Variants in ANO5 observed in about 807,000 individuals in gnomAD.
The protein encoded by ANO5 is anoctamin-5.
A neutral mutation model predicts 121.0 loss-of-function variants in ANO5; 109 were observed. The observed-to-expected ratio is 0.90, with a 90% confidence interval of 0.77 to 1.06. ANO5 has a LOEUF of 1.06. Among genes scored for constraint, ANO5 ranks in the 50% least tolerant of loss-of-function variants. The probability of loss-of-function intolerance (pLI) is 0.00; values close to 1 mark genes in which losing one functional copy is unlikely to be tolerated. For synonymous variants in ANO5, 406 were observed against 359.9 expected, an observed-to-expected ratio of 1.13 and a Z score of -1.45; for missense variants, 1,064 against 1,078.5, an observed-to-expected ratio of 0.99 and a Z score of 0.19.
At chr11:22,228,819 A>C (rs1852935575) in intron 7 of ANO5, among the ~76,000 whole-genome samples, 1 of 151,820 alleles carries the variant, frequency 6.6e-6, no homozygotes, top group Non-Finnish European at 1.5e-5. Flanking sequence ...TTTTATGGCT[A>C]TATCTAGCCA....
rs1181983240 is a variant in ANO5, at chr11:22,228,324, GTTGTATGTTACCTTTTATAGC to G, written c.648+742_648+762del. Among the ~76,000 whole-genome samples, 16 of 151,594 alleles carry G rather than the reference GTTGTATGTTACCTTTTATAGC, an allele frequency of 1.1e-4. 1 individual carries two copies. The highest frequency in any genetic ancestry group is 3.9e-4 in the African/African-American group (16 of 41,046). The stretch of plus-strand genomic sequence containing the variant: ...TGGCTTTCAGAGGGAAAAAAATAAG[GTTGTATGTTACCTTTTATAGC>G]TTGCTTATTTTAAAAAATTTATGAT... On this transcript the variant is annotated intron_variant, in intron 7 of 21. Transcript: ENST00000324559.
At chr11:22,203,755 C>T in intron 1 of ANO5, 49 bp from the exon 2 acceptor site, 1 of 1,173,210 alleles carries the variant, frequency 8.5e-7, no homozygotes, top group Non-Finnish European at 1.3e-6. Context: ...TGAATATGTT[C>T]TGATCAGTGG....
At chr11:22,205,786 C>T (rs1852101058) in intron 2 of ANO5, among the ~76,000 whole-genome samples, 1 of 151,944 alleles carries the variant, frequency 6.6e-6, no homozygotes. Context: ...CAGGACATAT[C>T]AATATGGAAT....
At chr11:22,278,576 G>C (rs1326628431) in intron 21 of ANO5, among the ~76,000 whole-genome samples, 4 of 142,920 alleles carry the variant, frequency 2.8e-5, no homozygotes, top group Non-Finnish European at 6.1e-5. Flanking sequence ...CTACATATTT[G>C]GTGGTTCTGC....
In ANO5 at chr11:22,236,277, GTA is replaced by G. The variant is rs1853217204; in HGVS notation, c.762+3_762+4del. 1.3e-6 allele frequency: 2 copies of G among 1,597,800 alleles called. No individual in the cohort carries two copies. On this transcript the variant is annotated splice_donor_variant and splice_donor_region_variant and intron_variant, in intron 8 of 21. Transcript: ENST00000324559. LOFTEE classifies it high-confidence loss of function. Reference sequence around the variant, plus strand: ...CTCATCTGCCTATCCACTCCATGATGTATGTATAGGTTTGATTGTGAAAATCT... The same window carrying G: ...CTCATCTGCCTATCCACTCCATGATGTGTATAGGTTTGATTGTGAAAATCT...
At chr11:22,273,661 T>TAGAA (rs140869287) in intron 19 of ANO5, among the ~76,000 whole-genome samples, 2,513 of 152,090 alleles carry the variant, frequency 0.017, 66 homozygotes, top group African/African-American at 0.057. Flanking sequence ...ATCAAATTGA[T>TAGAA]AGTAGTAAAA....
intron 9 of ANO5, among the ~76,000 whole-genome samples, chr11:22,249,987 T>C (rs116939373): frequency 2.0e-5 from 3 of 152,298 alleles, no homozygotes; most frequent in Non-Finnish European, 2.9e-5. Flanking sequence ...TAATTGGCTT[T>C]CTACTTATAT....
At chr11:22,228,023 CT>C (rs969965033) in intron 7 of ANO5, among the ~76,000 whole-genome samples, 7 of 151,886 alleles carry the variant, frequency 4.6e-5, no homozygotes, top group African/African-American at 7.3e-5. Flanking sequence ...AACCTCAAAA[CT>C]TTTTTTTCCC....
intron 17 of ANO5, among the ~76,000 whole-genome samples, chr11:22,267,493 T>C (rs922226313): frequency 4.1e-5 from 6 of 146,154 alleles, no homozygotes; most frequent in Admixed American, 6.7e-5. Flanking sequence ...CTACATACCA[T>C]ATAAATATCT....
intron 21 of ANO5, among the ~76,000 whole-genome samples, chr11:22,278,523 T>C (rs1257679939): frequency 1.4e-5 from 2 of 146,660 alleles, no homozygotes; most frequent in African/African-American, 5.5e-5. Context: ...TATATCTGGT[T>C]CTTTTCCTTT....
rs140440151 is a variant in ANO5 at position 22,196,863 on chromosome 11, G to A, written c.40+3331G>A. On this transcript the variant is annotated intron_variant, in intron 1 of 21. Transcript: ENST00000324559. ...TAGCCTGGTGACAGAGTGAGACTCC[G>A]TCTCAAATAAATAAATAAATAAAAT... Among the ~76,000 whole-genome samples the A allele has an allele frequency of 2.3e-3, 352 of 151,020 alleles. 1 individual carries two copies. Among genetic ancestry groups the A allele is most frequent in the Non-Finnish European group, 3.7e-3 (253 of 67,814 alleles).
At chr11:22,247,177 G>A (rs1319758828) in intron 9 of ANO5, among the ~76,000 whole-genome samples, 3 of 152,096 alleles carry the variant, frequency 2.0e-5, no homozygotes, top group African/African-American at 7.2e-5. Context: ...CAGTATAGTA[G>A]GGAAAGAAGT....
rs1855091854 is a variant in ANO5 at position 22,281,820 on chromosome 11, A to G, written c.*2055A>G. The stretch of plus-strand genomic sequence containing the variant: ...CCAACTAAATTATTGGGTTTCTGGA[A>G]GTGAATGGAGAAAACAGCAAGGGAA... On this transcript the variant is annotated 3_prime_UTR_variant, in exon 22 of 22. Coordinates refer to ENST00000324559, the MANE Select transcript of ANO5 (RefSeq NM_213599.3). The G allele has an allele frequency of 6.6e-6, 1 of 152,114 alleles. No individual in the cohort carries two copies. The highest frequency in any genetic ancestry group is 2.4e-5 in the African/African-American group (1 of 41,448). The allele number at this position is 152,114 out of a possible 1,614,324, so 9.4% of individuals were successfully genotyped here.
intron 4 of ANO5, among the ~76,000 whole-genome samples, chr11:22,220,308 A>C (rs1852598339): frequency 2.0e-5 from 3 of 152,064 alleles, no homozygotes; most frequent in South Asian, 4.1e-4. Flanking sequence ...AGGAATATTA[A>C]GTATTAGATA....
Position 22,281,515 on chromosome 11 carries a change from T to C in ANO5, c.*1750T>C. Reference sequence around the variant, plus strand: ...TCATATGTAGAGAAGATAATATTTCTTTCTTGAAAAAACAAGTCAGGCTTA... The same window carrying C: ...TCATATGTAGAGAAGATAATATTTCCTTCTTGAAAAAACAAGTCAGGCTTA... On this transcript the variant is annotated 3_prime_UTR_variant, in exon 22 of 22. Transcript: ENST00000324559. The C allele has an allele frequency of 9.9e-6, 1 of 101,192 alleles. No individual in the cohort carries two copies. The highest frequency in any genetic ancestry group is 9.8e-5 in the Admixed American group (1 of 10,156). 6.3% of individuals were successfully genotyped at this position (101,192 alleles called of 1,614,324 possible). A position where few individuals can be genotyped will look rare whatever the true frequency, so the allele number is the denominator to read the frequency against.
At chr11:22,218,117 A>G (rs61880871) in intron 3 of ANO5, 129 bp from the exon 4 acceptor site, 1 of 298,046 alleles carries the variant, frequency 3.4e-6, no homozygotes, top group African/African-American at 6.3e-5. Flanking sequence ...TTGAAATATC[A>G]CACACACACA....
chr11:22,227,645 GC>G, intron 7 of ANO5, 59 bp downstream of exon 7: 1 of 1,581,990 alleles, frequency 6.3e-7, no homozygotes, highest in Non-Finnish European at 8.7e-7. Context: ...GCTTGTGTGT[GC>G]TTTTATACAT....
chr11:22,279,471 G>A (rs1854992070), intron 21 of ANO5, 73 bp from the exon 22 acceptor site: 2 of 1,287,410 alleles, frequency 1.6e-6, no homozygotes, highest in Non-Finnish European at 2.2e-6. Flanking sequence ...TAAGTGAAAT[G>A]ATTTGTAAAG....
intron 9 of ANO5, among the ~76,000 whole-genome samples, chr11:22,247,676 C>T (rs984677912): frequency 6.6e-6 from 1 of 152,052 alleles, no homozygotes; most frequent in Non-Finnish European, 1.5e-5. Context: ...ACCTCTATAC[C>T]AAACATCACT....
Sources: gnomAD v4.1 joint callset for allele counts (sites outside exome capture counted in the v4.1 genomes callset) on GRCh38, gnomAD v4.1.1 for gene constraint, MANE v1.5 for transcripts, NCBI Gene and HGNC (gene_info 2026-07-23, HGNC 2026-07-21) for gene names.